Variants in PARPBP observed in about 807,000 individuals in gnomAD.
PARPBP encodes the protein PARP1 binding protein, also known as PCNA-interacting partner.
In PARPBP, 52 loss-of-function variants were observed where a neutral mutation model predicts 50.0. The ratio of observed to expected loss-of-function variants is 1.04; its 90% CI spans 0.83 to 1.31. The LOEUF (loss-of-function observed/expected upper bound fraction) is 1.31. PARPBP is among the 50% of genes most tolerant of loss of function. The pLI, the probability that PARPBP is intolerant of heterozygous loss-of-function variation, is 0.00. For synonymous variants in PARPBP, 244 were observed against 232.1 expected (o/e 1.05, Z -0.47); for missense variants, 697 against 672.0 (o/e 1.04, Z -0.41).
chr12:102,138,649 T>G (rs1171711041), intron 2 of PARPBP, among the ~76,000 whole-genome samples: 1 of 152,226 alleles, frequency 6.6e-6, no homozygotes, highest in African/African-American at 2.4e-5. Flanking sequence ...TAATCCATCT[T>G]GAATTAATTT....
intron 6 of PARPBP, among the ~76,000 whole-genome samples, chr12:102,172,078 G>A (rs1351305428): frequency 6.6e-6 from 1 of 152,134 alleles, no homozygotes; most frequent in Admixed American, 6.5e-5. Flanking sequence ...ATTGCTTAGT[G>A]TTCTCTTCCA....
chr12:102,128,532 G>GT (rs1171083527), intron 2 of PARPBP, among the ~76,000 whole-genome samples: 1 of 152,068 alleles, frequency 6.6e-6, no homozygotes, highest in Non-Finnish European at 1.5e-5. Flanking sequence ...TGCCCGGCCT[G>GT]TAAGTTCAAC....
At chr12:102,144,947 T>C (rs1383648424) in intron 2 of PARPBP, among the ~76,000 whole-genome samples, 1 of 152,150 alleles carries the variant, frequency 6.6e-6, no homozygotes, top group East Asian at 1.9e-4. Context: ...ATTGAACTAG[T>C]TTCATGAAAT....
intron 2 of PARPBP, among the ~76,000 whole-genome samples, chr12:102,133,791 C>G (rs1270670170): frequency 6.6e-6 from 1 of 152,038 alleles, no homozygotes; most frequent in East Asian, 1.9e-4. Flanking sequence ...TACTGAGTAT[C>G]TTTTCTGATT....
intron 4 of PARPBP, among the ~76,000 whole-genome samples, chr12:102,157,751 C>T (rs149337189): frequency 6.6e-6 from 1 of 152,280 alleles, no homozygotes; most frequent in Admixed American, 6.5e-5. Flanking sequence ...TCCTGTTTCT[C>T]AATAACCTTT....
rs946360324 is a variant in PARPBP at position 102,196,050 on chromosome 12, C to A, written c.1499C>A (p.Thr500Asn). 4 of 1,611,276 alleles carry A rather than the reference C, an allele frequency of 2.5e-6. No homozygotes were observed. In the Admixed American group the frequency reaches 5.0e-5, roughly 20 times the overall value. ...SKNEKVSRKS[T>N]SQTGNKSSKR... ...AATGAAAAAGTATCAAGAAAATCAA[C>A]CAGTCAGACAGGAAATAAAAGCTCA... Residue 500 changes from threonine to asparagine, a missense_variant, in exon 11 of 11, where the codon ACC (threonine) becomes AAC (asparagine). Transcript: ENST00000327680.
In PARPBP at chr12:102,165,767, G is replaced by A. The variant is rs1271452211; in HGVS notation, c.705G>A (p.Gly235=). ...TSFIRTIELG[G]KGYAPPPSDP... is the part of the protein sequence containing the mutation. ...TTATTAGAACAATAGAGCTTGGAGG[G>A]AAAGGATATGCACCACCACCATCAG... Residue 235 remains glycine, a synonymous_variant, in exon 6 of 11, where the codon GGG becomes GGA. Transcript: ENST00000327680. 1 of 1,608,558 alleles carries A rather than the reference G, an allele frequency of 6.2e-7. No individual in the cohort carries two copies. The highest frequency in any genetic ancestry group is 2.2e-5 in the East Asian group (1 of 44,806).
In PARPBP at chr12:102,178,617, G is replaced by A; in HGVS notation, c.1031G>A (p.Gly344Asp). 3.1e-6 allele frequency: 5 copies of A among 1,610,840 alleles called. No individual in the cohort carries two copies. Among genetic ancestry groups the A allele is most frequent in the Non-Finnish European group, 4.2e-6 (5 of 1,178,490 alleles). The change falls in exon 8 of 11, where the codon GGT becomes GAT. Residue 344 changes from glycine (G) to aspartate (D), a missense_variant. Physicochemically the swap from Gly to Asp is moderately conservative, Grantham distance 94. Transcript: ENST00000327680. ...ARPKSHAINH[G>D]TAYCGRDTVK... ...CCAAAATCTCATGCCATAAACCATG[G>A]TACTGCATACTGTGGCAGAGATACT...
chr12:102,185,165 C>A (rs1890193321), intron 9 of PARPBP, among the ~76,000 whole-genome samples: 1 of 152,104 alleles, frequency 6.6e-6, no homozygotes, highest in African/African-American at 2.4e-5. Context: ...CATTTTAGGT[C>A]CTCAACTTTT....
At chr12:102,170,905 CTTTTT>C (rs56390964) in intron 6 of PARPBP, among the ~76,000 whole-genome samples, 1 of 113,312 alleles carries the variant, frequency 8.8e-6, no homozygotes, top group Non-Finnish European at 1.9e-5. Context: ...TTTAATTTTT[CTTTTT>C]TTTTTTTTTT....
intron 7 of PARPBP, among the ~76,000 whole-genome samples, chr12:102,176,888 A>C (rs1249793063): frequency 6.6e-6 from 1 of 152,188 alleles, no homozygotes; most frequent in Admixed American, 6.5e-5. Flanking sequence ...CTTCCTGGTG[A>C]ATAGTTTGGC....
chr12:102,133,119 A>G (rs536692495), intron 2 of PARPBP, among the ~76,000 whole-genome samples: 25 of 152,096 alleles, frequency 1.6e-4, no homozygotes, highest in Admixed American at 4.6e-4. Context: ...ATTTCTTTCC[A>G]ATTTGGATGC....
At chr12:102,182,472 G>A in intron 8 of PARPBP, 77 bp from the exon 9 acceptor site, 2 of 998,172 alleles carry the variant, frequency 2.0e-6, no homozygotes, top group South Asian at 2.9e-5. Context: ...TGGGAATTAA[G>A]TTTCAACGTG....
At chr12:102,189,588 G>A (rs1347983207) in intron 9 of PARPBP, among the ~76,000 whole-genome samples, 1 of 152,160 alleles carries the variant, frequency 6.6e-6, no homozygotes, top group Non-Finnish European at 1.5e-5. Context: ...CATATTAAGT[G>A]GAGGAAATAA....
At chr12:102,191,300 AT>A (rs1356045531) in intron 9 of PARPBP, among the ~76,000 whole-genome samples, 2 of 152,270 alleles carry the variant, frequency 1.3e-5, no homozygotes, top group African/African-American at 2.4e-5. Flanking sequence ...GGTCAAAAAG[AT>A]TTTTTTCTGC....
chr12:102,170,245 T>C (rs1888554032), intron 6 of PARPBP, among the ~76,000 whole-genome samples: 1 of 152,220 alleles, frequency 6.6e-6, no homozygotes, highest in Non-Finnish European at 1.5e-5. Context: ...ACACAACTTT[T>C]TAATGCACAT....
chr12:102,151,619 G>T (rs1383354078), intron 3 of PARPBP: 3 of 1,535,542 alleles, frequency 2.0e-6, no homozygotes, highest in Admixed American at 3.9e-5. Flanking sequence ...CTGCTGTCTA[G>T]GCCAGATCTC....
At chr12:102,190,869 G>A (rs1400663265) in intron 9 of PARPBP, among the ~76,000 whole-genome samples, 1 of 152,144 alleles carries the variant, frequency 6.6e-6, no homozygotes, top group Non-Finnish European at 1.5e-5. Flanking sequence ...TGGGGCCTAA[G>A]GAAAGTGGGG....
intron 2 of PARPBP, among the ~76,000 whole-genome samples, chr12:102,143,031 TGTTTAAGTCTGCAGAA>T (rs1341173083): frequency 6.6e-6 from 1 of 152,108 alleles, no homozygotes; most frequent in Non-Finnish European, 1.5e-5. Context: ...CCAGACAGGA[TGTTTAAGTCTGCAGAA>T]GTTTCTGCTG....
Sources: gnomAD v4.1 joint callset for allele counts (sites outside exome capture counted in the v4.1 genomes callset) on GRCh38, gnomAD v4.1.1 for gene constraint, MANE v1.5 for transcripts, NCBI Gene and HGNC (gene_info 2026-07-23, HGNC 2026-07-21) for gene names.